The following DNAH7 variants were observed in gnomAD, a reference collection of about 807,000 sequenced individuals.
DNAH7 encodes the protein axonemal beta dynein heavy chain 7.
In DNAH7, 397 loss-of-function variants were observed where a neutral mutation model predicts 444.6. That is an observed-to-expected ratio of 0.89 (90% CI 0.82 to 0.97). DNAH7 has a LOEUF of 0.97. Among genes scored for constraint, DNAH7 ranks in the 50% least tolerant of loss-of-function variants. DNAH7 has a pLI of 0.00. For missense variants in DNAH7, 4,902 were observed against 4,800.8 expected, an observed-to-expected ratio of 1.02 and a Z score of -0.62; for synonymous variants, 1,636 against 1,624.4, an observed-to-expected ratio of 1.01 and a Z score of -0.17.
intron 6 of DNAH7, among the ~76,000 whole-genome samples, chr2:196,027,691 T>C (rs536247485): frequency 6.6e-6 from 1 of 152,214 alleles, no homozygotes; most frequent in East Asian, 1.9e-4. Context: ...ATAAAAAAAT[T>C]AAGGCATGTA....
At chr2:196,006,938 G>A (rs992387055) in intron 10 of DNAH7, among the ~76,000 whole-genome samples, 2 of 152,022 alleles carry the variant, frequency 1.3e-5, no homozygotes, top group East Asian at 3.9e-4. Context: ...ACACGACATT[G>A]TTGAAATAAA....
chr2:195,885,863 TG>T (rs1192618960), intron 34 of DNAH7, among the ~76,000 whole-genome samples: 1 of 152,152 alleles, frequency 6.6e-6, no homozygotes, highest in African/African-American at 2.4e-5. Flanking sequence ...GAATGGATCA[TG>T]TCTAAGGCTG....
In DNAH7 at chr2:195,987,274, T is replaced by C. The variant is rs973378001; in HGVS notation, c.1627-81A>G. On this transcript the variant is annotated intron_variant, in intron 13 of 64. Transcript: ENST00000312428. ...CACAATTTTGCCATTCTCATAATTTTTATTTTTGTGTGTGATGTAACAAGA... is the reference window on the plus strand; with the variant it reads ...CACAATTTTGCCATTCTCATAATTTCTATTTTTGTGTGTGATGTAACAAGA... 2.7e-6 allele frequency: 3 copies of C among 1,121,228 alleles called. No homozygotes were observed. In the African/African-American group the frequency reaches 4.7e-5, roughly 18 times the overall value. The allele number at this position is 1,121,228 out of a possible 1,614,324, so 69.5% of individuals were successfully genotyped here.
chr2:195,832,078 G>A (rs928014713), intron 48 of DNAH7, among the ~76,000 whole-genome samples: 4 of 152,140 alleles, frequency 2.6e-5, no homozygotes, highest in African/African-American at 9.7e-5. Flanking sequence ...TTCATGAAAT[G>A]ATGCTTACCT....
At position 195,976,955 on chromosome 2, in the gene DNAH7, AG is replaced by A. The variant is rs1238978387; in HGVS notation, c.1834-4490del. On this transcript the variant is annotated intron_variant, in intron 15 of 64. Transcript: ENST00000312428. ...GGGTATCCCTTAATGCAGACACAGA[AG>A]AAGTGACCAAAAACTTAGATCACAA... Among the ~76,000 whole-genome samples the A allele has an allele frequency of 3.9e-5, 6 of 152,212 alleles. 1 individual carries two copies. The highest frequency in any genetic ancestry group is 3.9e-4 in the Admixed American group (6 of 15,282).
intron 61 of DNAH7, among the ~76,000 whole-genome samples, chr2:195,766,939 T>C (rs1694613709): frequency 6.6e-6 from 1 of 152,188 alleles, no homozygotes; most frequent in Non-Finnish European, 1.5e-5. Flanking sequence ...CCATTGTTGA[T>C]ATTAGTTTCT....
At chr2:196,055,295 A>T (rs1173510116) in intron 2 of DNAH7, among the ~76,000 whole-genome samples, 1 of 152,142 alleles carries the variant, frequency 6.6e-6, no homozygotes, top group Non-Finnish European at 1.5e-5. Flanking sequence ...GTGAGCCATG[A>T]TCACACCACT....
chr2:195,794,690 T>C, intron 56 of DNAH7, 152 bp from the exon 57 acceptor site: 3 of 702,274 alleles, frequency 4.3e-6, no homozygotes, highest in Non-Finnish European at 7.2e-6. Context: ...CTTTAAAATC[T>C]GATGCTGCTC....
intron 24 of DNAH7, among the ~76,000 whole-genome samples, chr2:195,920,378 A>T (rs1472885217): frequency 6.6e-6 from 1 of 152,208 alleles, no homozygotes; most frequent in Non-Finnish European, 1.5e-5. Flanking sequence ...AGGCACACAG[A>T]CAAATGGAAC....
intron 63 of DNAH7, among the ~76,000 whole-genome samples, chr2:195,744,721 C>T (rs1387076130): frequency 1.3e-5 from 2 of 152,190 alleles, no homozygotes; most frequent in Non-Finnish European, 1.5e-5. Flanking sequence ...CTGCAGCCAC[C>T]GCTGCTGTTA....
intron 5 of DNAH7, among the ~76,000 whole-genome samples, chr2:196,043,366 T>C (rs1472437005): frequency 2.0e-5 from 3 of 152,000 alleles, no homozygotes; most frequent in African/African-American, 7.2e-5. Context: ...TCGTCAACAA[T>C]GCATGCCAAA....
chr2:195,778,285 G>C (rs1477251045), intron 58 of DNAH7, among the ~76,000 whole-genome samples: 1 of 151,782 alleles, frequency 6.6e-6, no homozygotes, highest in Admixed American at 6.6e-5. Context: ...GAATGAATTA[G>C]ATCATAATAT....
intron 51 of DNAH7, 82 bp downstream of exon 51, chr2:195,816,546 T>C: frequency 9.5e-7 from 1 of 1,056,466 alleles, no homozygotes; most frequent in Non-Finnish European, 1.4e-6. Context: ...TGTACCACTC[T>C]GAGACAACAA....
chr2:195,954,915 T>A (rs1024855490), intron 19 of DNAH7, among the ~76,000 whole-genome samples: 5 of 152,222 alleles, frequency 3.3e-5, no homozygotes, highest in African/African-American at 1.2e-4. Flanking sequence ...TTGTAGAATC[T>A]GGATATTAGC....
At chr2:196,062,098 T>C (rs538973321) in intron 1 of DNAH7, among the ~76,000 whole-genome samples, 21 of 152,354 alleles carry the variant, frequency 1.4e-4, no homozygotes, top group South Asian at 1.0e-3. Flanking sequence ...GCAGCTCTTG[T>C]GAAATCTTGC....
At chr2:195,870,973 C>T (rs1700650680) in intron 40 of DNAH7, among the ~76,000 whole-genome samples, 2 of 152,116 alleles carry the variant, frequency 1.3e-5, no homozygotes, top group African/African-American at 2.4e-5. Flanking sequence ...TTTCTATTAC[C>T]CATGTGGCCC....
chr2:195,973,461 G>A (rs1222984254), intron 15 of DNAH7, among the ~76,000 whole-genome samples: 1 of 151,658 alleles, frequency 6.6e-6, no homozygotes, highest in East Asian at 1.9e-4. Context: ...TTTTTTGTTT[G>A]TTGTTTTGTT....
At chr2:196,064,874 G>T (rs1014244193) in intron 1 of DNAH7, among the ~76,000 whole-genome samples, 3 of 152,096 alleles carry the variant, frequency 2.0e-5, no homozygotes, top group African/African-American at 7.2e-5. Flanking sequence ...TATTACAAAA[G>T]ATGTCTCAGC....
intron 63 of DNAH7, among the ~76,000 whole-genome samples, chr2:195,753,966 A>G (rs925578707): frequency 2.6e-5 from 4 of 152,210 alleles, no homozygotes. Context: ...CACAGCCAAC[A>G]TAAGATTATG....
Sources: gnomAD v4.1 joint callset for allele counts (sites outside exome capture counted in the v4.1 genomes callset) on GRCh38, gnomAD v4.1.1 for gene constraint, MANE v1.5 for transcripts, NCBI Gene and HGNC (gene_info 2026-07-23, HGNC 2026-07-21) for gene names.